DISC1: variants seen among roughly 807,000 people sequenced by gnomAD.
DISC1 encodes the protein disrupted in schizophrenia 1 protein.
A neutral mutation model predicts 84.5 loss-of-function variants in DISC1; 57 were observed. That is an observed-to-expected ratio of 0.67 (90% CI 0.55 to 0.84). DISC1 has a LOEUF of 0.84. Ranked by LOEUF, DISC1 falls within the 40% of genes least tolerant of loss-of-function variation. DISC1 has a pLI of 0.00. For synonymous variants in DISC1, 411 were observed against 415.2 expected (o/e 0.99, Z 0.12); for missense variants, 1,000 against 1,057.8 (o/e 0.95, Z 0.76).
At chr1:231,908,897 G>A (rs2088940687) in intron 9 of DISC1, among the ~76,000 whole-genome samples, 1 of 152,132 alleles carries the variant, frequency 6.6e-6, no homozygotes, top group Non-Finnish European at 1.5e-5. Flanking sequence ...TCCCTTGTAA[G>A]TTGTATTCCT....
chr1:232,032,682 A>G (rs1014906470), intron 12 of DISC1, among the ~76,000 whole-genome samples: 1 of 152,250 alleles, frequency 6.6e-6, no homozygotes, highest in Non-Finnish European at 1.5e-5. Flanking sequence ...CACAGGCTTC[A>G]TAAGAATTAT....
intron 3 of DISC1, among the ~76,000 whole-genome samples, chr1:231,732,900 G>A (rs2071719161): frequency 6.7e-6 from 1 of 150,184 alleles, no homozygotes; most frequent in Non-Finnish European, 1.5e-5. Context: ...TGAGTTGGTG[G>A]TGTAGGTAGT....
chr1:231,997,351 C>G (rs982054838), intron 10 of DISC1, among the ~76,000 whole-genome samples: 1 of 152,138 alleles, frequency 6.6e-6, no homozygotes, highest in African/African-American at 2.4e-5. Flanking sequence ...TGAATCCAGC[C>G]TCGCTCACAC....
chr1:231,887,384 A>G (rs1015573291), intron 9 of DISC1, among the ~76,000 whole-genome samples: 6 of 152,200 alleles, frequency 3.9e-5, no homozygotes, highest in Non-Finnish European at 1.5e-5. Flanking sequence ...CCAAGGAGTT[A>G]TGTAGCGTTG....
intron 1 of DISC1, among the ~76,000 whole-genome samples, chr1:231,660,685 C>T (rs1272294488): frequency 6.6e-6 from 1 of 152,112 alleles, no homozygotes; most frequent in Non-Finnish European, 1.5e-5. Flanking sequence ...GAACTCTTGA[C>T]CTCAGGTGAT....
At chr1:232,025,316 G>A (rs1482474498) in intron 11 of DISC1, among the ~76,000 whole-genome samples, 1 of 152,192 alleles carries the variant, frequency 6.6e-6, no homozygotes, top group African/African-American at 2.4e-5. Context: ...CTTGCCTTTA[G>A]GAGAGTTGAG....
rs111772846 is a variant in DISC1 at position 231,778,056 on chromosome 1, C to G, written c.1634+6986C>G. 5.7e-3 allele frequency among the ~76,000 whole-genome samples: 859 copies of G among 152,016 alleles called. 7 individuals carry two copies. The highest frequency in any genetic ancestry group is 0.018 in the South Asian group (87 of 4,786). ...CCAGCAGAGCCGTGGGTCTGTGGGC[C>G]CAAGGAAAAGAGAATGGATGTCCCT... On this transcript the variant is annotated intron_variant, in intron 6 of 12. Coordinates refer to ENST00000439617, the MANE Select transcript of DISC1 (RefSeq NM_018662.3).
chr1:231,989,593 AAAGAG>A (rs1664915440), intron 10 of DISC1, among the ~76,000 whole-genome samples: 1 of 152,218 alleles, frequency 6.6e-6, no homozygotes, highest in South Asian at 2.1e-4. Context: ...GGAGAGCATC[AAAGAG>A]AGCTGGCTTT....
chr1:231,978,405 C>A (rs1663117211), intron 10 of DISC1, among the ~76,000 whole-genome samples: 1 of 152,022 alleles, frequency 6.6e-6, no homozygotes, highest in African/African-American at 2.4e-5. Flanking sequence ...TCATTTTTAG[C>A]CAGAATTCTT....
chr1:231,859,147 C>G (rs1485497381), intron 9 of DISC1, among the ~76,000 whole-genome samples: 1 of 152,116 alleles, frequency 6.6e-6, no homozygotes, highest in Non-Finnish European at 1.5e-5. Context: ...ATAATCCCCC[C>G]ACCAAAAAAA....
At chr1:231,829,514 GCCA>G (rs2082076394) in intron 9 of DISC1, among the ~76,000 whole-genome samples, 1 of 152,140 alleles carries the variant, frequency 6.6e-6, no homozygotes, top group South Asian at 2.1e-4. Context: ...ACAGGCATGT[GCCA>G]CCATGGCCTG....
chr1:232,027,590 G>A lies in DISC1; in HGVS notation c.2425+1038G>A, dbSNP rs372111679. Among the ~76,000 whole-genome samples, 437 of 152,308 alleles carry A rather than the reference G, an allele frequency of 2.9e-3. 4 individuals are homozygous for A. The highest frequency in any genetic ancestry group is 9.2e-3 in the African/African-American group (382 of 41,560). ...AATGGGTGGGTACCCAGTGGATGAA[G>A]GGATATGCAGCCCTATATCCTTTCA... is the stretch of plus-strand genomic sequence containing the variant. On this transcript the variant is annotated intron_variant, in intron 12 of 12. Coordinates refer to ENST00000439617, the MANE Select transcript of DISC1 (RefSeq NM_018662.3).
intron 1 of DISC1, among the ~76,000 whole-genome samples, chr1:231,690,350 C>A (rs367889437): frequency 2.0e-5 from 3 of 152,160 alleles, no homozygotes; most frequent in Non-Finnish European, 4.4e-5. Flanking sequence ...CTCAGTCGTT[C>A]GTTCCTGGAC....
intron 1 of DISC1, among the ~76,000 whole-genome samples, chr1:231,682,354 T>C (rs954262448): frequency 1.3e-5 from 2 of 152,222 alleles, no homozygotes; most frequent in African/African-American, 4.8e-5. Context: ...TTCCCTGCAC[T>C]TGCTGTTTTT....
chr1:231,668,878 C>T (rs1332938941), intron 1 of DISC1, among the ~76,000 whole-genome samples: 1 of 152,190 alleles, frequency 6.6e-6, no homozygotes, highest in Non-Finnish European at 1.5e-5. Flanking sequence ...ACAGACAACA[C>T]ACAATTTGCC....
intron 3 of DISC1, among the ~76,000 whole-genome samples, chr1:231,710,645 C>T (rs2067701898): frequency 6.6e-6 from 1 of 152,178 alleles, no homozygotes; most frequent in African/African-American, 2.4e-5. Flanking sequence ...TCTTCTGAGG[C>T]CTGTCTCTTT....
At chr1:231,799,602 G>C (rs1409266645) in intron 7 of DISC1, among the ~76,000 whole-genome samples, 1 of 151,912 alleles carries the variant, frequency 6.6e-6, no homozygotes, top group Non-Finnish European at 1.5e-5. Context: ...CAGTCTGGAA[G>C]GGTATGAGTG....
intron 8 of DISC1, among the ~76,000 whole-genome samples, chr1:231,813,609 A>G (rs773000149): frequency 3.9e-5 from 6 of 152,222 alleles, no homozygotes; most frequent in Non-Finnish European, 7.3e-5. Context: ...ATGGAAGTGC[A>G]GTCTGCTCTC....
chr1:231,691,857 G>A (rs761053217), intron 1 of DISC1, among the ~76,000 whole-genome samples: 2 of 152,188 alleles, frequency 1.3e-5, no homozygotes, highest in African/African-American at 2.4e-5. Context: ...CCTGCCGGTC[G>A]GGCCCGGACA....
Sources: gnomAD v4.1 joint callset for allele counts (sites outside exome capture counted in the v4.1 genomes callset) on GRCh38, gnomAD v4.1.1 for gene constraint, MANE v1.5 for transcripts, NCBI Gene and HGNC (gene_info 2026-07-23, HGNC 2026-07-21) for gene names.